SPAG17: variants seen among roughly 807,000 people sequenced by gnomAD.
SPAG17 encodes the protein sperm-associated antigen 17.
Under a neutral mutation model 273.6 loss-of-function variants are expected in SPAG17, and 169 were observed. The ratio of observed to expected loss-of-function variants is 0.62; its 90% CI spans 0.55 to 0.70. The LOEUF (loss-of-function observed/expected upper bound fraction) is 0.70. SPAG17 is among the 30% of genes least tolerant of loss of function. The pLI is 0.00. For missense variants in SPAG17, 2,557 were observed against 2,627.8 expected (o/e 0.97, Z 0.59); for synonymous variants, 825 against 873.2 (o/e 0.94, Z 0.97).
intron 29 of SPAG17, among the ~76,000 whole-genome samples, chr1:118,013,300 T>G (rs1452245774): frequency 6.6e-6 from 1 of 152,218 alleles, no homozygotes; most frequent in Non-Finnish European, 1.5e-5. Context: ...CCAAAGTTCA[T>G]GGCTATTGGG....
In SPAG17 at chr1:117,972,172, C is replaced by T; in HGVS notation, c.6142-125G>A. The T allele has an allele frequency of 3.7e-6, 3 of 814,792 alleles. No individual in the cohort carries two copies. The East Asian group carries it at 8.0e-5, about 22-fold the overall frequency. The allele number at this position is 814,792 out of a possible 1,614,324, so 50.5% of individuals were successfully genotyped here. A position where few individuals can be genotyped will look rare whatever the true frequency, so the allele number is the denominator to read the frequency against. ...GCTGGAGGAAATGAATGTTTACAGTCTCATGTCATCCTTACAACAGTCCTG... is the reference window on the plus strand; with the variant it reads ...GCTGGAGGAAATGAATGTTTACAGTTTCATGTCATCCTTACAACAGTCCTG... On this transcript the variant is annotated intron_variant, in intron 44 of 48. Coordinates refer to ENST00000336338, the MANE Select transcript of SPAG17 (RefSeq NM_206996.4).
intron 48 of SPAG17, chr1:117,960,431 G>T (rs1346360858): frequency 2.6e-5 from 4 of 152,168 alleles, no homozygotes; most frequent in African/African-American, 9.7e-5. Context: ...AATACTATAA[G>T]TGTATGTCAT....
intron 5 of SPAG17, among the ~76,000 whole-genome samples, chr1:118,100,313 CTA>C (rs1178900686): frequency 2.0e-5 from 3 of 152,192 alleles, no homozygotes; most frequent in Admixed American, 1.3e-4. Context: ...TATGTAGTAA[CTA>C]TGTATTTATT....
chr1:118,060,314 TC>T, intron 18 of SPAG17, among the ~76,000 whole-genome samples: 1 of 152,230 alleles, frequency 6.6e-6, no homozygotes, highest in East Asian at 1.9e-4. Context: ...GTTTTTTTTT[TC>T]TTTTTCCATT....
intron 4 of SPAG17, among the ~76,000 whole-genome samples, chr1:118,115,003 C>G (rs866242402): frequency 2.0e-5 from 3 of 152,180 alleles, no homozygotes; most frequent in Non-Finnish European, 4.4e-5. Flanking sequence ...TCCCGACTCC[C>G]TGTCTCTTCC....
intron 28 of SPAG17, among the ~76,000 whole-genome samples, chr1:118,017,413 C>CT (rs1322846575): frequency 3.3e-5 from 5 of 152,168 alleles, no homozygotes; most frequent in Non-Finnish European, 7.4e-5. Context: ...CAGACAACTA[C>CT]TAGCAGACCA....
chr1:118,156,451 G>A (rs1369536030), intron 1 of SPAG17, among the ~76,000 whole-genome samples: 1 of 152,190 alleles, frequency 6.6e-6, no homozygotes, highest in African/African-American at 2.4e-5. Context: ...TCAGTCCATG[G>A]CCCTGGAGTC....
intron 17 of SPAG17, among the ~76,000 whole-genome samples, chr1:118,069,284 G>A (rs909460602): frequency 3.5e-5 from 5 of 142,216 alleles, no homozygotes; most frequent in African/African-American, 1.3e-4. Context: ...GGCGGAGGTT[G>A]CAGTGAGCCG....
chr1:117,994,559 A>G (rs1441109952), intron 34 of SPAG17, 29 bp from the exon 35 acceptor site: 4 of 1,585,776 alleles, frequency 2.5e-6, no homozygotes, highest in African/African-American at 2.7e-5. Flanking sequence ...TCAGAAGACC[A>G]TTACCCATTG....
intron 10 of SPAG17, among the ~76,000 whole-genome samples, chr1:118,088,864 A>T (rs1655177553): frequency 6.6e-6 from 1 of 152,200 alleles, no homozygotes; most frequent in African/African-American, 2.4e-5. Context: ...CCATTCAATA[A>T]TAATTAAGGT....
At chr1:118,158,048 T>C (rs756486634) in intron 1 of SPAG17, among the ~76,000 whole-genome samples, 1 of 152,218 alleles carries the variant, frequency 6.6e-6, no homozygotes, top group Non-Finnish European at 1.5e-5. Context: ...AGAGTTTGTA[T>C]AATAATTTTC....
Position 118,114,417 on chromosome 1 carries a change from C to G in SPAG17, c.447+893G>C, listed in dbSNP as rs556474622. Among the ~76,000 whole-genome samples the G allele has an allele frequency of 2.6e-5, 4 of 152,120 alleles. No individual in the cohort carries two copies. The East Asian group carries it at 7.7e-4, about 29-fold the overall frequency. On this transcript the variant is annotated intron_variant, in intron 4 of 48. Transcript: ENST00000336338. ...TTGAGGGGCCAATTCAAATAGGAAA[C>G]CTAGATTTTGGGGGTCTTGCAAAGG...
chr1:118,141,014 T>A (rs761001267), intron 3 of SPAG17, among the ~76,000 whole-genome samples: 10 of 152,180 alleles, frequency 6.6e-5, no homozygotes, highest in Admixed American at 3.9e-4. Flanking sequence ...TTCAGTTGGA[T>A]CTTCTTTTCC....
At chr1:118,030,995 T>C (rs932942744) in intron 25 of SPAG17, among the ~76,000 whole-genome samples, 2 of 152,146 alleles carry the variant, frequency 1.3e-5, no homozygotes, top group African/African-American at 4.8e-5. Context: ...TTTCTGGTTC[T>C]AGGTCCTTGA....
intron 3 of SPAG17, among the ~76,000 whole-genome samples, chr1:118,115,952 G>C (rs181516469): frequency 2.6e-5 from 4 of 152,098 alleles, no homozygotes; most frequent in East Asian, 1.9e-4. Context: ...TGACACAAAG[G>C]CGCCATATGA....
Position 118,028,536 on chromosome 1 carries a change from C to G in SPAG17, c.3610-142G>C. Reference sequence around the variant, plus strand: ...GGCCCCTGCAAGGACGCAGGAGTCTCTGTGGTTTTGCAATTTATATTCTAC... The same window carrying G: ...GGCCCCTGCAAGGACGCAGGAGTCTGTGTGGTTTTGCAATTTATATTCTAC... On this transcript the variant is annotated intron_variant, in intron 25 of 48. Coordinates refer to ENST00000336338, the MANE Select transcript of SPAG17 (RefSeq NM_206996.4). 4.0e-6 allele frequency: 4 copies of G among 990,068 alleles called. No individual in the cohort carries two copies. The South Asian group carries it at 8.8e-5, about 22-fold the overall frequency. 61.3% of individuals were successfully genotyped at this position (990,068 alleles called of 1,614,324 possible).
At position 118,109,227 on chromosome 1, in the gene SPAG17, C is replaced by T. The variant is rs1460539604; in HGVS notation, c.447+6083G>A. On this transcript the variant is annotated intron_variant, in intron 4 of 48. Transcript: ENST00000336338. ...CGCGATGTCAGCTCACTGCAACCTC[C>T]GCCTGCCAGATTCAAGCGATTCTCC... 7.7e-4 allele frequency among the ~76,000 whole-genome samples: 116 copies of T among 150,622 alleles called. No homozygotes were observed. The Middle Eastern group carries it at 0.021, about 27-fold the overall frequency.
At chr1:118,147,085 T>C (rs969285065) in intron 3 of SPAG17, among the ~76,000 whole-genome samples, 1 of 152,202 alleles carries the variant, frequency 6.6e-6, no homozygotes, top group Admixed American at 6.5e-5. Flanking sequence ...GCAACTATTA[T>C]TGAATGCCTA....
At chr1:118,078,081 G>C (rs1571424070) in intron 15 of SPAG17, among the ~76,000 whole-genome samples, 1 of 152,060 alleles carries the variant, frequency 6.6e-6, no homozygotes, top group Non-Finnish European at 1.5e-5. Flanking sequence ...TTGAGATATA[G>C]CAGAGCAATA....
Sources: gnomAD v4.1 joint callset for allele counts (sites outside exome capture counted in the v4.1 genomes callset) on GRCh38, gnomAD v4.1.1 for gene constraint, MANE v1.5 for transcripts, NCBI Gene and HGNC (gene_info 2026-07-23, HGNC 2026-07-21) for gene names.